The following IL5 variants were observed in gnomAD, a reference collection of about 807,000 sequenced individuals.
The protein encoded by IL5 is interleukin-5.
IL5 carries 12 observed loss-of-function variants against 16.3 expected under a neutral mutation model. That is an observed-to-expected ratio of 0.74 (90% CI 0.47 to 1.20). IL5 has a LOEUF of 1.20. Ranked by LOEUF, IL5 falls within the 50% of genes most tolerant of loss-of-function variation. IL5 has a pLI of 0.00. For synonymous variants in IL5, 54 were observed against 56.6 expected (o/e 0.95, Z 0.21); for missense variants, 159 against 153.9 (o/e 1.03, Z -0.17).
In IL5 at chr5:132,542,083, G is replaced by C; in HGVS notation, c.238C>G (p.Gln80Glu). 6.2e-7 allele frequency: 1 copy of C among 1,613,314 alleles called. No individual in the cohort carries two copies. The highest frequency in any genetic ancestry group is 1.3e-5 in the African/African-American group (1 of 75,000). Residue 80 changes from glutamine to glutamate, a missense_variant, in exon 3 of 4, where the codon CAA becomes GAA. Coordinates refer to ENST00000231454, the MANE Select transcript of IL5 (RefSeq NM_000879.3). ...AATAGTCTTTCCACAGTACCCCCTT[G>C]CACAGTTTGACTCTCCAGTGTGCCT... ...GIGTLESQTV[Q>E]GGTVERLFKN...
At chr5:132,555,716 C>T (rs1247516299) in intron 1 of IL5, among the ~76,000 whole-genome samples, 6 of 152,144 alleles carry the variant, frequency 3.9e-5, no homozygotes, top group Admixed American at 3.3e-4. Flanking sequence ...GGGGTTTCAC[C>T]GTGTTAGCCA....
chr5:132,544,131 T>C (rs1211385386), upstream of IL5, among the ~76,000 whole-genome samples: 4 of 152,244 alleles, frequency 2.6e-5, no homozygotes, highest in African/African-American at 9.6e-5. Context: ...GAGGCTCTTT[T>C]ACATTTTGAT....
intron 1 of IL5, among the ~76,000 whole-genome samples, chr5:132,549,654 C>T (rs1406245722): frequency 6.6e-6 from 1 of 151,996 alleles, no homozygotes; most frequent in Non-Finnish European, 1.5e-5. Context: ...TGCCCTAAAA[C>T]TTTTATCTCT....
Position 132,541,449 on chromosome 5 carries a change from G to A in IL5, c.*362C>T, listed in dbSNP as rs1749687738. 5.0e-6 allele frequency: 1 copy of A among 201,072 alleles called. No individual in the cohort carries two copies. Among genetic ancestry groups the A allele is most frequent in the Admixed American group, 5.6e-5 (1 of 17,834 alleles). 12.5% of individuals were successfully genotyped at this position (201,072 alleles called of 1,614,324 possible). On this transcript the variant is annotated 3_prime_UTR_variant, in exon 4 of 4. Coordinates refer to ENST00000231454, the MANE Select transcript of IL5 (RefSeq NM_000879.3). ...ACAGAGGCCAGCAGCAAATTGAACA[G>A]TTGTCTATTTTTGTTTTATTAGAAC...
chr5:132,549,745 CT>C (rs1161292273), intron 1 of IL5, among the ~76,000 whole-genome samples: 4 of 152,132 alleles, frequency 2.6e-5, no homozygotes, highest in Non-Finnish European at 5.9e-5. Context: ...GGTCAAATGA[CT>C]TTTCCATGAA....
rs1481341567 is a variant in IL5, at chr5:132,542,121, A to C, written c.200T>G (p.Ile67Ser). The C allele has an allele frequency of 1.2e-6, 2 of 1,613,014 alleles. No individual in the cohort carries two copies. The highest frequency in any genetic ancestry group is 2.7e-5 in the African/African-American group (2 of 74,910). Residue 67 changes from isoleucine (I) to serine (S), a missense_variant, in exon 3 of 4, where the codon ATC becomes AGC. By Grantham distance (142) the Ile-to-Ser change is moderately radical. Transcript: ENST00000231454. ...HKNHQLCTEE[I>S]FQGIGTLESQ... is the part of the protein sequence containing the mutation. The stretch of plus-strand genomic sequence containing the variant: ...CTCCAGTGTGCCTATTCCCTGAAAG[A>C]TTTCTTCAGTGCACAGTTGGTGCTA...
intron 2 of IL5, among the ~76,000 whole-genome samples, chr5:132,542,889 C>A (rs752938941): frequency 3.3e-5 from 5 of 152,126 alleles, no homozygotes; most frequent in African/African-American, 1.2e-4. Flanking sequence ...AACAACATCA[C>A]CAAAGAGCCT....
intron 2 of IL5, 31 bp from the exon 3 acceptor site, chr5:132,542,174 A>T: frequency 6.3e-7 from 1 of 1,592,702 alleles, no homozygotes; most frequent in Non-Finnish European, 8.6e-7. Flanking sequence ...AAATGCAAAT[A>T]ATCAAGACAA....
At chr5:132,547,238 G>A (rs1749809027), upstream of IL5, among the ~76,000 whole-genome samples, 1 of 152,268 alleles carries the variant, frequency 6.6e-6, no homozygotes, top group East Asian at 1.9e-4. Context: ...TAACTTCACA[G>A]TGGAGAAACC....
chr5:132,554,755 C>T (rs751205880), intron 1 of IL5, among the ~76,000 whole-genome samples: 1 of 152,142 alleles, frequency 6.6e-6, no homozygotes, highest in Non-Finnish European at 1.5e-5. Flanking sequence ...ATATATATAG[C>T]CACACTATTC....
intron 1 of IL5, among the ~76,000 whole-genome samples, chr5:132,554,332 A>C (rs1388699675): frequency 1.4e-5 from 2 of 139,952 alleles, no homozygotes; most frequent in African/African-American, 5.4e-5. Flanking sequence ...GCACCATTGC[A>C]CTCCAGTCTG....
rs1157886267 is a variant in IL5 at position 132,543,508 on chromosome 5, G to T, written c.-30C>A. On this transcript the variant is annotated 5_prime_UTR_variant, in exon 1 of 4. It introduces an in-frame stop codon into an upstream open reading frame of the 5' UTR. Coordinates refer to ENST00000231454, the MANE Select transcript of IL5 (RefSeq NM_000879.3). ...CTGAAACGTTCTGCGTTTGCCTTTG[G>T]CAAAGAAAGTGCATAGTACAAGACT... 1.2e-6 allele frequency: 2 copies of T among 1,609,930 alleles called. No individual in the cohort carries two copies. Among genetic ancestry groups the T allele is most frequent in the Non-Finnish European group, 1.7e-6 (2 of 1,178,362 alleles).
chr5:132,556,593 T>G, intron 1 of IL5: 1 of 855,954 alleles, frequency 1.2e-6, no homozygotes, highest in Non-Finnish European at 1.5e-6. Flanking sequence ...CATCACATGT[T>G]ATGTGATCAC....
chr5:132,556,801 C>G (rs1749994715), exon 1 of IL5: 1 of 1,204,410 alleles, frequency 8.3e-7, no homozygotes, highest in Non-Finnish European at 1.1e-6. Flanking sequence ...CCTCTCCAGG[C>G]TGCCCATCCC....
intron 1 of IL5, among the ~76,000 whole-genome samples, chr5:132,552,574 T>C (rs549714043): frequency 1.3e-5 from 2 of 152,308 alleles, no homozygotes; most frequent in South Asian, 2.1e-4. Context: ...CTGGTTACCT[T>C]GGCATGTCCA....
intron 2 of IL5, 133 bp downstream of exon 2, chr5:132,542,961 A>C: frequency 1.5e-6 from 1 of 672,206 alleles, no homozygotes; most frequent in South Asian, 1.7e-5. Flanking sequence ...ATAAGTACAG[A>C]CATTCACAGC....
At chr5:132,554,278 A>G (rs1034893875) in intron 1 of IL5, among the ~76,000 whole-genome samples, 4 of 151,852 alleles carry the variant, frequency 2.6e-5, no homozygotes, top group African/African-American at 7.3e-5. Context: ...GAGGCAGAAG[A>G]ATCACTTGAA....
chr5:132,555,400 A>G (rs1361763334), intron 1 of IL5, among the ~76,000 whole-genome samples: 1 of 152,222 alleles, frequency 6.6e-6, no homozygotes, highest in Non-Finnish European at 1.5e-5. Context: ...TGGGGAGGAA[A>G]GGGTTATTGT....
Position 132,541,633 on chromosome 5 carries a change from T to C in IL5, c.*178A>G, listed in dbSNP as rs200326593. 3.5e-5 allele frequency: 17 copies of C among 489,286 alleles called. No homozygotes were observed. The highest frequency in any genetic ancestry group is 2.6e-4 in the African/African-American group (13 of 50,304). The allele number at this position is 489,286 out of a possible 1,614,324, so 30.3% of individuals were successfully genotyped here. A position where few individuals can be genotyped will look rare whatever the true frequency, so the allele number is the denominator to read the frequency against. The stretch of plus-strand genomic sequence containing the variant: ...ACTTCAATGATTCTGATATCTGAAA[T>C]ATATTTTAAGAATTTTATGCTTTCT... On this transcript the variant is annotated 3_prime_UTR_variant, in exon 4 of 4. Transcript: ENST00000231454.
Sources: allele counts gnomAD v4.1 joint callset (sites outside exome capture counted in the v4.1 genomes callset), GRCh38; gene constraint gnomAD v4.1.1; transcripts MANE v1.5; gene names NCBI Gene and HGNC (gene_info 2026-07-23, HGNC 2026-07-21).